Variants in BRCA2 observed in about 807,000 individuals in gnomAD.
BRCA2 encodes BRCA2 DNA repair associated, also known as breast cancer type 2 susceptibility protein.
Under a neutral mutation model 276.7 loss-of-function variants are expected in BRCA2, and 203 were observed. That is an observed-to-expected ratio of 0.73 (90% CI 0.65 to 0.82). The LOEUF (loss-of-function observed/expected upper bound fraction) is 0.82, where lower values mean the gene tolerates loss of function less well. BRCA2 is among the 40% of genes least tolerant of loss of function. The pLI is 0.00. For missense variants in BRCA2, 3,920 were observed against 3,915.0 expected, an observed-to-expected ratio of 1.00 and a Z score of -0.03; for synonymous variants, 1,289 against 1,338.4, an observed-to-expected ratio of 0.96 and a Z score of 0.81.
At chr13:32,368,147 G>A (rs1310852782) in intron 18 of BRCA2, among the ~76,000 whole-genome samples, 2 of 150,142 alleles carry the variant, frequency 1.3e-5, no homozygotes, top group Non-Finnish European at 3.0e-5. Flanking sequence ...AGCCTCCTAA[G>A]TAGCTGGGAT....
rs2072414803 is a variant in BRCA2, at chr13:32,332,975, G to A, written c.1497G>A (p.Gln499=). Residue 499 remains glutamine, a synonymous_variant, in exon 10 of 27, where the codon CAG becomes CAA. Coordinates refer to ENST00000380152, the MANE Select transcript of BRCA2 (RefSeq NM_000059.4). ...SGTSPVASSF[Q]GIKKSIFRIR... is the part of the protein sequence containing the mutation. ...CTTCTCCAGTGGCTTCTTCATTTCAGGGTATCAAAAAGTCTATATTCAGAA... is the reference window on the plus strand; with the variant it reads ...CTTCTCCAGTGGCTTCTTCATTTCAAGGTATCAAAAAGTCTATATTCAGAA... 5 of 1,595,456 alleles carry A rather than the reference G, an allele frequency of 3.1e-6. No homozygotes were observed. Among genetic ancestry groups the A allele is most frequent in the Non-Finnish European group, 4.3e-6 (5 of 1,175,458 alleles).
At chr13:32,353,849 A>T (rs189336883) in intron 13 of BRCA2, among the ~76,000 whole-genome samples, 4 of 152,350 alleles carry the variant, frequency 2.6e-5, no homozygotes, top group Non-Finnish European at 5.9e-5. Context: ...ACTTTTGGAC[A>T]TGTTGAGTTT....
chr13:32,372,756 G>A lies in BRCA2; in HGVS notation c.8632+1656G>A, dbSNP rs531424548. On this transcript the variant is annotated intron_variant, in intron 20 of 26. Coordinates refer to ENST00000380152, the MANE Select transcript of BRCA2 (RefSeq NM_000059.4). ...CAATCATGCCTTCCTAACAGTCTCCGAAAGTCTTAACTAATTCCAGCATTA... is the reference window on the plus strand; with the variant it reads ...CAATCATGCCTTCCTAACAGTCTCCAAAAGTCTTAACTAATTCCAGCATTA... Among the ~76,000 whole-genome samples, 12 of 152,182 alleles carry A rather than the reference G, an allele frequency of 7.9e-5. No homozygotes were observed. In the South Asian group the frequency reaches 8.3e-4, roughly 11 times the overall value.
intron 13 of BRCA2, among the ~76,000 whole-genome samples, chr13:32,349,597 C>A (rs1358944133): frequency 6.6e-6 from 1 of 152,006 alleles, no homozygotes; most frequent in African/African-American, 2.4e-5. Flanking sequence ...GGGTGAATCA[C>A]CTGAGGTCAG....
At chr13:32,326,711 TTAGA>T (rs1289862358) in intron 7 of BRCA2, 98 bp downstream of exon 7, 6 of 870,660 alleles carry the variant, frequency 6.9e-6, no homozygotes, top group Non-Finnish European at 7.2e-6. Flanking sequence ...AAAGAAAATA[TTAGA>T]TAATGTCTTT....
intron 9 of BRCA2, among the ~76,000 whole-genome samples, chr13:32,331,561 T>C (rs560436236): frequency 6.0e-4 from 91 of 152,108 alleles, no homozygotes; most frequent in Admixed American, 2.9e-3. Flanking sequence ...AGACCGTGTC[T>C]CAATGGAAAA....
In BRCA2 at chr13:32,338,123, T is replaced by G; in HGVS notation, c.3768T>G (p.His1256Gln). ...GTGAGGAAACTTCTGCAGAGGTACATCCAATAAGTTTATCTTCAAGTAAAT... is the reference window on the plus strand; with the variant it reads ...GTGAGGAAACTTCTGCAGAGGTACAGCCAATAAGTTTATCTTCAAGTAAAT... ...NISEETSAEVHPISLSSSKCH... is the reference protein window; with the variant it reads ...NISEETSAEVQPISLSSSKCH... The change falls in exon 11 of 27, where the codon CAT (histidine) becomes CAG (glutamine). Residue 1256 changes from histidine to glutamine, a missense_variant. Coordinates refer to ENST00000380152, the MANE Select transcript of BRCA2 (RefSeq NM_000059.4). 6.2e-7 allele frequency: 1 copy of G among 1,607,276 alleles called. No individual in the cohort carries two copies. The highest frequency in any genetic ancestry group is 8.5e-7 in the Non-Finnish European group (1 of 1,176,804).
At position 32,362,686 on chromosome 13, in the gene BRCA2, A is replaced by T; in HGVS notation, c.7969A>T (p.Lys2657Ter). ...CCCAGAAAGGGTGCTTCTTCAACTA[A>T]AATACAGGCAAGTTTAAAGCATTAC... The part of the protein sequence containing the change: ...LSPERVLLQL[K>*]YRYDTEIDRS... The change falls in exon 17 of 27, where the codon AAA (lysine) becomes TAA (stop). Residue 2657 changes from lysine to a stop codon, truncating the protein, a stop_gained. Coordinates refer to ENST00000380152, the MANE Select transcript of BRCA2 (RefSeq NM_000059.4). LOFTEE classifies it high-confidence loss of function. The T allele has an allele frequency of 6.2e-7, 1 of 1,614,158 alleles. No homozygotes were observed. The highest frequency in any genetic ancestry group is 2.2e-5 in the East Asian group (1 of 44,874).
At chr13:32,317,560 A>T (rs2072272820) in intron 2 of BRCA2, among the ~76,000 whole-genome samples, 1 of 152,254 alleles carries the variant, frequency 6.6e-6, no homozygotes, top group Non-Finnish European at 1.5e-5. Flanking sequence ...CCATGTCGCA[A>T]CATCATGCAG....
At chr13:32,330,149 T>C (rs970681201) in intron 8 of BRCA2, among the ~76,000 whole-genome samples, 16 of 152,222 alleles carry the variant, frequency 1.1e-4, no homozygotes, top group Non-Finnish European at 5.9e-5. Context: ...ACTGAAGTTT[T>C]CGTTTAGGCT....
intron 16 of BRCA2, 29 bp downstream of exon 16, chr13:32,357,958 A>C (rs2072712694): frequency 6.2e-7 from 1 of 1,600,186 alleles, no homozygotes; most frequent in African/African-American, 1.3e-5. Context: ...TTGTGTGTTA[A>C]CTTTTATGTA....
intron 25 of BRCA2, among the ~76,000 whole-genome samples, chr13:32,395,524 C>T (rs1261715661): frequency 6.6e-6 from 1 of 152,154 alleles, no homozygotes; most frequent in Non-Finnish European, 1.5e-5. Context: ...AACTGTTTTT[C>T]TATTTTATCA....
intron 13 of BRCA2, among the ~76,000 whole-genome samples, chr13:32,352,127 A>G (rs1216315708): frequency 6.6e-6 from 1 of 151,996 alleles, no homozygotes; most frequent in Non-Finnish European, 1.5e-5. Flanking sequence ...AAAACACCTG[A>G]TTGTGGAATT....
intron 1 of BRCA2, 60 bp from the exon 2 acceptor site, chr13:32,316,362 T>C (rs751297272): frequency 2.2e-5 from 24 of 1,068,156 alleles, no homozygotes; most frequent in Non-Finnish European, 5.7e-6. Context: ...GAGTTTTACC[T>C]CAGTCACATA....
intron 13 of BRCA2, among the ~76,000 whole-genome samples, chr13:32,352,033 C>A (rs1433956517): frequency 6.6e-6 from 1 of 152,096 alleles, no homozygotes; most frequent in Non-Finnish European, 1.5e-5. Context: ...GATCTCCTGA[C>A]CTCGTGATCC....
intron 26 of BRCA2, 127 bp from the exon 27 acceptor site, chr13:32,398,035 G>A: frequency 2.2e-6 from 2 of 914,056 alleles, no homozygotes; most frequent in Non-Finnish European, 3.3e-6. Flanking sequence ...TAACCTATTA[G>A]GAGTTAGGGG....
chr13:32,358,060 AT>A (rs1345652000), intron 16 of BRCA2, 131 bp downstream of exon 16: 2 of 935,886 alleles, frequency 2.1e-6, no homozygotes, highest in Non-Finnish European at 3.3e-6. Flanking sequence ...TTTTAAGTGC[AT>A]TATGGTTAAG....
At chr13:32,358,291 C>T (rs183711593) in intron 16 of BRCA2, among the ~76,000 whole-genome samples, 20 of 151,354 alleles carry the variant, frequency 1.3e-4, no homozygotes, top group African/African-American at 4.4e-4. Flanking sequence ...GCCTGGCCAA[C>T]GTGGCGAAAC....
chr13:32,360,166 C>T (rs1472178008), intron 16 of BRCA2, among the ~76,000 whole-genome samples: 2 of 152,092 alleles, frequency 1.3e-5, no homozygotes, highest in East Asian at 1.9e-4. Context: ...TAGCAAAAGA[C>T]CCCCAGCCTC....
Sources: allele counts gnomAD v4.1 joint callset (sites outside exome capture counted in the v4.1 genomes callset), GRCh38; gene constraint gnomAD v4.1.1; transcripts MANE v1.5; gene names NCBI Gene and HGNC (gene_info 2026-07-23, HGNC 2026-07-21).